The following EPB41L4A variants were observed in gnomAD, a reference collection of about 807,000 sequenced individuals.
EPB41L4A encodes band 4.1-like protein 4A.
A neutral mutation model predicts 108.6 loss-of-function variants in EPB41L4A; 100 were observed. That is an observed-to-expected ratio of 0.92 (90% CI 0.78 to 1.09). The LOEUF (loss-of-function observed/expected upper bound fraction) is 1.09. EPB41L4A is among the 50% of genes least tolerant of loss of function. The pLI is 0.00. For missense variants in EPB41L4A, 1,030 were observed against 842.7 expected (o/e 1.22, Z -2.75); for synonymous variants, 319 against 289.0 (o/e 1.10, Z -1.05).
intron 1 of EPB41L4A, among the ~76,000 whole-genome samples, chr5:112,315,221 A>G (rs753308544): frequency 3.3e-5 from 5 of 152,174 alleles, no homozygotes; most frequent in African/African-American, 7.2e-5. Flanking sequence ...CTCTCCCTCC[A>G]TTGAACCTAC....
chr5:112,293,725 C>T (rs949416887), intron 2 of EPB41L4A, among the ~76,000 whole-genome samples: 2 of 152,126 alleles, frequency 1.3e-5, no homozygotes, highest in Non-Finnish European at 2.9e-5. Flanking sequence ...GTGCAAGAAG[C>T]GACTTTGGGG....
chr5:112,392,437 A>C (rs1376666334), intron 1 of EPB41L4A, among the ~76,000 whole-genome samples: 1 of 150,986 alleles, frequency 6.6e-6, no homozygotes, highest in African/African-American at 2.4e-5. Context: ...AGGGGTTGCA[A>C]TCCTAGTCTC....
intron 12 of EPB41L4A, among the ~76,000 whole-genome samples, chr5:112,216,741 T>C (rs866893359): frequency 6.6e-6 from 1 of 152,192 alleles, no homozygotes; most frequent in Non-Finnish European, 1.5e-5. Context: ...TCAAAAGACA[T>C]GATATTTGTG....
At chr5:112,389,977 A>G (rs1337363635) in intron 1 of EPB41L4A, among the ~76,000 whole-genome samples, 2 of 152,226 alleles carry the variant, frequency 1.3e-5, no homozygotes, top group South Asian at 2.1e-4. Flanking sequence ...TACCAATGCC[A>G]AACTTCCAAA....
chr5:112,159,998 C>T (rs1314519154), downstream of EPB41L4A, among the ~76,000 whole-genome samples: 3 of 150,992 alleles, frequency 2.0e-5, no homozygotes, highest in African/African-American at 4.9e-5. Context: ...ACCCCCACCC[C>T]GCCCGGGTTC....
intron 12 of EPB41L4A, among the ~76,000 whole-genome samples, chr5:112,229,481 G>A (rs768190520): frequency 6.6e-6 from 1 of 151,958 alleles, no homozygotes; most frequent in Non-Finnish European, 1.5e-5. Context: ...TTCTTTAGTG[G>A]TGACTTCTGA....
intron 1 of EPB41L4A, among the ~76,000 whole-genome samples, chr5:112,351,399 C>T (rs1758033538): frequency 6.6e-6 from 1 of 152,100 alleles, no homozygotes; most frequent in African/African-American, 2.4e-5. Flanking sequence ...ACACGTACAA[C>T]CCCCCAAGAC....
chr5:112,145,938 C>T (rs1759237476), exon 13 of EPB41L4A: 1 of 456,596 alleles, frequency 2.2e-6, no homozygotes, highest in African/African-American at 2.0e-5. Context: ...TTCTGAAGTG[C>T]CTTGTTCAAA....
At chr5:112,161,545 A>G (rs1759904193), downstream of EPB41L4A, 1 of 519,110 alleles carries the variant, frequency 1.9e-6, no homozygotes, top group African/African-American at 1.9e-5. Context: ...AAAGGCGTAA[A>G]TTAAACGCTT....
rs148268640 is a variant in EPB41L4A, at chr5:112,379,546, T to C, written c.99+39395A>G. Among the ~76,000 whole-genome samples the C allele has an allele frequency of 3.9e-4, 59 of 152,290 alleles. No homozygotes were observed. In the East Asian group the frequency reaches 0.011, roughly 28 times the overall value. On this transcript the variant is annotated intron_variant, in intron 1 of 22. Transcript: ENST00000261486. ...GACCAAGTCTGTGACAGCACTCTGA[T>C]CATCCTGGAGTTTGGCCATAAGGGA...
intron 1 of EPB41L4A, among the ~76,000 whole-genome samples, chr5:112,384,848 G>C (rs1435329976): frequency 6.6e-6 from 1 of 152,162 alleles, no homozygotes; most frequent in Non-Finnish European, 1.5e-5. Flanking sequence ...ATGGAATTTT[G>C]CCTCTGTTTT....
intron 19 of EPB41L4A, among the ~76,000 whole-genome samples, 193 bp from the exon 20 acceptor site, chr5:112,170,562 G>T (rs1434245935): frequency 1.3e-5 from 2 of 152,128 alleles, no homozygotes; most frequent in Admixed American, 6.5e-5. Flanking sequence ...TAGCTCTTTT[G>T]CCTTCTTTCA....
chr5:112,342,212 A>G (rs1209291226), intron 1 of EPB41L4A, among the ~76,000 whole-genome samples: 1 of 152,250 alleles, frequency 6.6e-6, no homozygotes, highest in Non-Finnish European at 1.5e-5. Flanking sequence ...CACAACATGT[A>G]TGATCAGACA....
At chr5:112,347,738 G>T (rs899604975) in intron 1 of EPB41L4A, among the ~76,000 whole-genome samples, 2 of 152,192 alleles carry the variant, frequency 1.3e-5, no homozygotes, top group African/African-American at 4.8e-5. Flanking sequence ...TGGAAAATTA[G>T]AGAAAAGTTT....
intron 1 of EPB41L4A, among the ~76,000 whole-genome samples, chr5:112,373,135 C>T (rs1169225920): frequency 6.6e-6 from 1 of 152,200 alleles, no homozygotes; most frequent in African/African-American, 2.4e-5. Context: ...GCTCTATCCA[C>T]CTGCTCAATA....
chr5:112,301,229 T>C (rs559599343), intron 2 of EPB41L4A, among the ~76,000 whole-genome samples: 10 of 152,300 alleles, frequency 6.6e-5, no homozygotes, highest in African/African-American at 2.4e-4. Flanking sequence ...GAACATTCTT[T>C]TATCATATTA....
At chr5:112,169,471 G>A (rs985868343) in intron 20 of EPB41L4A, among the ~76,000 whole-genome samples, 3 of 151,944 alleles carry the variant, frequency 2.0e-5, no homozygotes, top group East Asian at 1.9e-4. Context: ...AAGTTGGTCC[G>A]CTGTCCTAGC....
chr5:112,259,403 T>C lies in EPB41L4A; in HGVS notation c.732-111A>G, dbSNP rs1406863582. 7 of 804,902 alleles carry C rather than the reference T, an allele frequency of 8.7e-6. No homozygotes were observed. In the Admixed American group the frequency reaches 1.1e-4, roughly 13 times the overall value. 49.9% of individuals were successfully genotyped at this position (804,902 alleles called of 1,614,324 possible). A position where few individuals can be genotyped will look rare whatever the true frequency, so the allele number is the denominator to read the frequency against. ...GGTGAATACTGGCTCCTTTATATAC[T>C]GCTCCATACCCAGTACATACAGCGA... On this transcript the variant is annotated intron_variant, in intron 8 of 22. Coordinates refer to ENST00000261486, the MANE Select transcript of EPB41L4A (RefSeq NM_022140.5).
At chr5:112,370,721 C>G (rs1228528947) in intron 1 of EPB41L4A, among the ~76,000 whole-genome samples, 1 of 152,158 alleles carries the variant, frequency 6.6e-6, no homozygotes, top group African/African-American at 2.4e-5. Flanking sequence ...TCGAGGCCAA[C>G]CTGGCCAACA....
Sources: allele counts gnomAD v4.1 joint callset (sites outside exome capture counted in the v4.1 genomes callset), GRCh38; gene constraint gnomAD v4.1.1; transcripts MANE v1.5; gene names NCBI Gene and HGNC (gene_info 2026-07-23, HGNC 2026-07-21).